NEDD4: variants seen among roughly 807,000 people sequenced by gnomAD.
NEDD4 encodes the protein E3 ubiquitin-protein ligase NEDD4.
In NEDD4, 99 loss-of-function variants were observed where a neutral mutation model predicts 144.9. The observed-to-expected ratio is 0.68, with a 90% CI of 0.58 to 0.81. The LOEUF (loss-of-function observed/expected upper bound fraction) is 0.81. NEDD4 is among the 30% of genes least tolerant of loss of function. NEDD4 has a pLI of 0.00. For missense variants in NEDD4, 985 were observed against 1,065.9 expected (o/e 0.92, Z 1.06); for synonymous variants, 318 against 350.6 (o/e 0.91, Z 1.04).
intron 2 of NEDD4, among the ~76,000 whole-genome samples, chr15:55,965,500 A>ACCTT (rs2037497178): frequency 6.6e-6 from 1 of 152,112 alleles, no homozygotes; most frequent in African/African-American, 2.4e-5. Flanking sequence ...ATCTCTGTTC[A>ACCTT]GATCTTTTGT....
At chr15:55,831,924 T>G (rs755080475) in intron 27 of NEDD4, among the ~76,000 whole-genome samples, 20 of 152,182 alleles carry the variant, frequency 1.3e-4, no homozygotes, top group Admixed American at 5.2e-4. Flanking sequence ...CAAGTAAATA[T>G]CATTCCAATA....
intron 1 of NEDD4, among the ~76,000 whole-genome samples, chr15:55,983,318 G>C (rs559663936): frequency 6.6e-6 from 1 of 152,176 alleles, no homozygotes; most frequent in Non-Finnish European, 1.5e-5. Context: ...GCGCGTGCGT[G>C]CATTTGATTT....
Position 55,858,225 on chromosome 15 carries a change from T to C in NEDD4, c.961-2029A>G, listed in dbSNP as rs139741605. On this transcript the variant is annotated intron_variant, in intron 11 of 28. Coordinates refer to ENST00000435532, the MANE Select transcript of NEDD4 (RefSeq NM_006154.4). ...ATAGTATTACACTATATGGTTGCCA[T>C]GTATTACTTTAAGTAAAAAAAATAC... is the stretch of plus-strand genomic sequence containing the variant. Among the ~76,000 whole-genome samples, 498 of 152,276 alleles carry C rather than the reference T, an allele frequency of 3.3e-3. 2 individuals are homozygous for C. The highest frequency in any genetic ancestry group is 6.1e-3 in the Non-Finnish European group (416 of 68,014).
At position 55,934,535 on chromosome 15, in the gene NEDD4, C is replaced by T. The variant is rs149085180; in HGVS notation, c.238-9836G>A. Among the ~76,000 whole-genome samples, 573 of 152,038 alleles carry T rather than the reference C, an allele frequency of 3.8e-3. 2 individuals carry two copies. The highest frequency in any genetic ancestry group is 0.034 in the Middle Eastern group (10 of 294). On this transcript the variant is annotated intron_variant, in intron 4 of 28. Coordinates refer to ENST00000435532, the MANE Select transcript of NEDD4 (RefSeq NM_006154.4). ...AACAATATATGAATAGAAAGTATTC[C>T]GGCATTTTAATTTAAATGTTTTATG...
intron 18 of NEDD4, among the ~76,000 whole-genome samples, chr15:55,845,430 G>A (rs1289166168): frequency 3.3e-5 from 5 of 152,108 alleles, no homozygotes; most frequent in Non-Finnish European, 7.4e-5. Context: ...TCCTTACAGA[G>A]TTATTGTAGA....
At chr15:55,990,920 T>C (rs1286940155) in intron 1 of NEDD4, among the ~76,000 whole-genome samples, 2 of 152,218 alleles carry the variant, frequency 1.3e-5, no homozygotes, top group African/African-American at 4.8e-5. Context: ...ATCCTGCACA[T>C]GCAGCCAGGG....
At chr15:55,850,234 G>A (rs1336586785) in intron 14 of NEDD4, among the ~76,000 whole-genome samples, 2 of 152,054 alleles carry the variant, frequency 1.3e-5, no homozygotes, top group African/African-American at 4.8e-5. Flanking sequence ...AAAGTGCTTT[G>A]GAGCTATAAA....
chr15:55,917,615 A>C (rs1388079244), intron 5 of NEDD4, among the ~76,000 whole-genome samples: 1 of 152,196 alleles, frequency 6.6e-6, no homozygotes, highest in Non-Finnish European at 1.5e-5. Context: ...GCTTAAGGAC[A>C]GAACTACAAA....
At chr15:55,880,298 A>G (rs1292837836) in intron 5 of NEDD4, among the ~76,000 whole-genome samples, 1 of 152,180 alleles carries the variant, frequency 6.6e-6, no homozygotes, top group Non-Finnish European at 1.5e-5. Context: ...TCTCCAAAAA[A>G]AAAGAATAAA....
At chr15:55,953,581 A>G (rs2037283930) in intron 2 of NEDD4, among the ~76,000 whole-genome samples, 1 of 151,620 alleles carries the variant, frequency 6.6e-6, no homozygotes, top group Non-Finnish European at 1.5e-5. Context: ...AGCTGGGATT[A>G]TAGGCACACG....
At chr15:55,955,623 A>C (rs1296783160) in intron 2 of NEDD4, among the ~76,000 whole-genome samples, 1 of 151,838 alleles carries the variant, frequency 6.6e-6, no homozygotes, top group Non-Finnish European at 1.5e-5. Context: ...ATTAATCCAT[A>C]TTGTCACATG....
chr15:55,831,342 C>T (rs1566894183), intron 27 of NEDD4, among the ~76,000 whole-genome samples: 1 of 152,140 alleles, frequency 6.6e-6, no homozygotes, highest in Non-Finnish European at 1.5e-5. Flanking sequence ...TATTCTAACA[C>T]AAACAACTCT....
chr15:55,931,518 A>C (rs1361346263), intron 4 of NEDD4, among the ~76,000 whole-genome samples: 1 of 152,234 alleles, frequency 6.6e-6, no homozygotes, highest in East Asian at 1.9e-4. Context: ...AAAGCAGAAA[A>C]AAAATAAAAA....
At chr15:55,944,730 C>A (rs2037077239) in intron 4 of NEDD4, among the ~76,000 whole-genome samples, 2 of 152,168 alleles carry the variant, frequency 1.3e-5, no homozygotes, top group African/African-American at 2.4e-5. Flanking sequence ...AGACACTTCC[C>A]AGTAGGGGCC....
intron 4 of NEDD4, among the ~76,000 whole-genome samples, chr15:55,935,820 C>G (rs1225730142): frequency 6.9e-6 from 1 of 144,148 alleles, no homozygotes; most frequent in African/African-American, 2.6e-5. Context: ...ACACTCCAGC[C>G]TGGCGACAGA....
chr15:55,983,373 C>T (rs550149513), intron 1 of NEDD4, among the ~76,000 whole-genome samples: 1 of 152,280 alleles, frequency 6.6e-6, no homozygotes, highest in South Asian at 2.1e-4. Flanking sequence ...CACGGCATGC[C>T]AGGCTTGCCT....
At chr15:55,976,777 C>T (rs1460751932) in intron 1 of NEDD4, among the ~76,000 whole-genome samples, 4 of 147,350 alleles carry the variant, frequency 2.7e-5, no homozygotes, top group East Asian at 4.1e-4. Flanking sequence ...TACAGGCGCC[C>T]GCCACCACAC....
At chr15:55,917,232 A>T in intron 5 of NEDD4, 1 of 905,452 alleles carries the variant, frequency 1.1e-6, no homozygotes, top group Admixed American at 5.3e-5. Context: ...TTCAAGTTGA[A>T]ACAGTATTTT....
In NEDD4 at chr15:55,885,437, C is replaced by T. The variant is rs145332045; in HGVS notation, c.292-11429G>A. Among the ~76,000 whole-genome samples the T allele has an allele frequency of 2.9e-3, 442 of 152,048 alleles. 1 individual carries two copies. The highest frequency in any genetic ancestry group is 0.01 in the African/African-American group (424 of 41,462). ...TACTGTAATTGTGGTGTGCTAACTA[C>T]TCATATGTTAAGTAGAAAGACTAAA... is the stretch of plus-strand genomic sequence containing the variant. On this transcript the variant is annotated intron_variant, in intron 5 of 28. Coordinates refer to ENST00000435532, the MANE Select transcript of NEDD4 (RefSeq NM_006154.4).
Sources: gnomAD v4.1 joint callset for allele counts (sites outside exome capture counted in the v4.1 genomes callset) on GRCh38, gnomAD v4.1.1 for gene constraint, MANE v1.5 for transcripts, NCBI Gene and HGNC (gene_info 2026-07-23, HGNC 2026-07-21) for gene names.